The following RANBP17 variants were observed in gnomAD, a reference collection of about 807,000 sequenced individuals.
RANBP17 encodes the protein RAN binding protein 17.
In RANBP17, 158 loss-of-function variants were observed where a neutral mutation model predicts 141.2. The ratio of observed to expected loss-of-function variants is 1.12; its 90% CI spans 0.98 to 1.28. The LOEUF (loss-of-function observed/expected upper bound fraction) is 1.28, where lower values mean the gene tolerates loss of function less well. Ranked by LOEUF, RANBP17 falls within the 50% of genes most tolerant of loss-of-function variation. The probability of loss-of-function intolerance (pLI) is 0.00; values close to 1 mark genes in which losing one functional copy is unlikely to be tolerated. For missense variants in RANBP17, 1,438 were observed against 1,290.7 expected, an observed-to-expected ratio of 1.11 and a Z score of -1.75; for synonymous variants, 430 against 450.0, an observed-to-expected ratio of 0.96 and a Z score of 0.56.
intron 14 of RANBP17, among the ~76,000 whole-genome samples, chr5:171,056,199 A>G (rs918228672): frequency 6.6e-6 from 1 of 152,204 alleles, no homozygotes; most frequent in Non-Finnish European, 1.5e-5. Context: ...GTCCTGACTT[A>G]TCATCACCAA....
rs1581264278 is a variant in RANBP17 at position 170,968,224 on chromosome 5, TA to T, written c.1575-17del. 2.0e-6 allele frequency: 3 copies of T among 1,531,056 alleles called. No homozygotes were observed. The highest frequency in any genetic ancestry group is 1.7e-6 in the Non-Finnish European group (2 of 1,146,238). 94.8% of individuals were successfully genotyped at this position (1,531,056 alleles called of 1,614,324 possible). ...GGTTTTGTACTGAAGGTTTTTTTTT[TA>T]TTTTCCCTTCATGAAGAGTTTTTCA... On this transcript the variant is annotated splice_polypyrimidine_tract_variant and intron_variant, in intron 13 of 27. Coordinates refer to ENST00000523189, the MANE Select transcript of RANBP17 (RefSeq NM_022897.5).
intron 25 of RANBP17, among the ~76,000 whole-genome samples, chr5:171,268,221 T>C (rs1020096069): frequency 5.3e-5 from 8 of 152,238 alleles, no homozygotes; most frequent in Non-Finnish European, 8.8e-5. Flanking sequence ...AGTTATTTGA[T>C]CATTTCATTA....
At chr5:171,023,716 A>G (rs923998465) in intron 14 of RANBP17, among the ~76,000 whole-genome samples, 3 of 152,218 alleles carry the variant, frequency 2.0e-5, no homozygotes, top group Non-Finnish European at 4.4e-5. Context: ...GAAGTCTGTG[A>G]CAATTCCAGA....
chr5:171,280,274 GTTTTGT>G (rs979566132), intron 25 of RANBP17, among the ~76,000 whole-genome samples: 1 of 151,866 alleles, frequency 6.6e-6, no homozygotes, highest in African/African-American at 2.4e-5. Context: ...CTTTTTGGGG[GTTTTGT>G]TTTTGTTTTT....
chr5:171,015,884 T>A (rs1780392754), intron 14 of RANBP17, among the ~76,000 whole-genome samples: 1 of 152,182 alleles, frequency 6.6e-6, no homozygotes, highest in African/African-American at 2.4e-5. Flanking sequence ...TCTGGCCTTG[T>A]ATGAACCCTA....
At chr5:170,862,548 A>C (rs1766891271) in intron 1 of RANBP17, among the ~76,000 whole-genome samples, 1 of 152,160 alleles carries the variant, frequency 6.6e-6, no homozygotes, top group South Asian at 2.1e-4. Flanking sequence ...GATCCACCGA[A>C]GGAGCGGCGG....
intron 14 of RANBP17, among the ~76,000 whole-genome samples, chr5:171,160,508 AC>A (rs1252562660): frequency 3.3e-5 from 5 of 152,224 alleles, no homozygotes. Context: ...CAGATTAGGT[AC>A]TACTCTCATC....
At chr5:170,953,530 T>A in intron 12 of RANBP17, 67 bp from the exon 13 acceptor site, 1 of 1,033,260 alleles carries the variant, frequency 9.7e-7, no homozygotes, top group Non-Finnish European at 1.5e-6. Context: ...ATTTTGGAAT[T>A]TCCCCCAAGA....
chr5:170,940,830 A>T (rs923102428), intron 12 of RANBP17, among the ~76,000 whole-genome samples: 13 of 152,186 alleles, frequency 8.5e-5, no homozygotes, highest in Admixed American at 6.5e-4. Context: ...GTTTTAAAAA[A>T]AATTGTCCAA....
intron 22 of RANBP17, among the ~76,000 whole-genome samples, 153 bp downstream of exon 22, chr5:171,221,993 T>C (rs1763594745): frequency 1.3e-5 from 2 of 152,220 alleles, no homozygotes; most frequent in South Asian, 2.1e-4. Context: ...AGCTATCATA[T>C]TGGCATCAGG....
At chr5:170,887,924 C>T (rs887758100) in intron 3 of RANBP17, among the ~76,000 whole-genome samples, 6 of 152,128 alleles carry the variant, frequency 3.9e-5, no homozygotes, top group African/African-American at 1.4e-4. Flanking sequence ...TTCATATGGG[C>T]AAAGCACTCT....
intron 14 of RANBP17, among the ~76,000 whole-genome samples, chr5:171,097,738 C>G (rs1786807012): frequency 1.3e-5 from 2 of 151,466 alleles, no homozygotes; most frequent in Admixed American, 6.6e-5. Flanking sequence ...CTGCACCCAT[C>G]AACCAGTCAT....
intron 20 of RANBP17, chr5:171,207,050 C>T (rs1219214171): frequency 1.2e-5 from 2 of 168,412 alleles, no homozygotes; most frequent in African/African-American, 4.8e-5. Flanking sequence ...TGGACTCAAA[C>T]TCCTGGGCTC....
intron 14 of RANBP17, among the ~76,000 whole-genome samples, chr5:171,059,007 T>C (rs975755123): frequency 1.3e-5 from 2 of 151,542 alleles, no homozygotes; most frequent in Non-Finnish European, 2.9e-5. Context: ...TTTGATGGAG[T>C]TGTTTTTTTT....
At chr5:171,277,633 G>GTGTGTATATATATATATATA (rs1767582017) in intron 25 of RANBP17, among the ~76,000 whole-genome samples, 1 of 19,618 alleles carries the variant, frequency 5.1e-5, no homozygotes, top group Non-Finnish European at 7.8e-5. Context: ...ATACATATAT[G>GTGTGTATATATATATATATA]TATGTATATA....
chr5:170,983,877 A>G (rs1046686115), intron 14 of RANBP17, among the ~76,000 whole-genome samples: 1 of 152,190 alleles, frequency 6.6e-6, no homozygotes. Context: ...AATCCAGAAG[A>G]ATTAGTTGAA....
rs201834188 is a variant in RANBP17 at position 171,117,873 on chromosome 5, GT to G, written c.1711-52256del. On this transcript the variant is annotated intron_variant, in intron 14 of 27. Transcript: ENST00000523189. The stretch of plus-strand genomic sequence containing the variant: ...TTGTTGTTGTTGTTGTTTTGCTGTT[GT>G]GACGTTAGAGTTCCTTGTATATTCT... 9.4e-3 allele frequency among the ~76,000 whole-genome samples: 1,431 copies of G among 151,748 alleles called. 61 individuals carry two copies. The highest frequency in any genetic ancestry group is 0.081 in the East Asian group (415 of 5,152).
intron 14 of RANBP17, among the ~76,000 whole-genome samples, chr5:171,076,796 T>C (rs1037532944): frequency 5.3e-5 from 8 of 152,150 alleles, no homozygotes; most frequent in Non-Finnish European, 1.2e-4. Flanking sequence ...TTCATGATCT[T>C]ACTAAAGAAA....
chr5:170,887,118 C>T (rs774705470), intron 3 of RANBP17, among the ~76,000 whole-genome samples: 3 of 151,362 alleles, frequency 2.0e-5, no homozygotes, highest in Admixed American at 6.6e-5. Context: ...TTAAGGTCAT[C>T]GGCCCATATT....
Sources: allele counts gnomAD v4.1 joint callset (sites outside exome capture counted in the v4.1 genomes callset), GRCh38; gene constraint gnomAD v4.1.1; transcripts MANE v1.5; gene names NCBI Gene and HGNC (gene_info 2026-07-23, HGNC 2026-07-21).